Variants in PPP2R2C observed in about 807,000 individuals in gnomAD.
PPP2R2C encodes protein phosphatase 2 regulatory subunit Bgamma.
A neutral mutation model predicts 45.3 loss-of-function variants in PPP2R2C; 10 were observed. That is an observed-to-expected ratio of 0.22 (90% CI 0.14 to 0.37). PPP2R2C has a LOEUF of 0.37. Ranked by LOEUF, PPP2R2C falls within the 10% of genes least tolerant of loss-of-function variation. The pLI is 1.00. For missense variants in PPP2R2C, 308 were observed against 619.7 expected (o/e 0.50, Z 5.34); for synonymous variants, 257 against 245.4 (o/e 1.05, Z -0.44).
chr4:6,538,943 T>C (rs967397237), intron 1 of PPP2R2C, among the ~76,000 whole-genome samples: 10 of 152,190 alleles, frequency 6.6e-5, no homozygotes, highest in African/African-American at 2.4e-4. Flanking sequence ...GAGTGATTTA[T>C]TATACAGCTC....
chr4:6,525,050 C>T (rs953234898), intron 2 of PPP2R2C, among the ~76,000 whole-genome samples: 1 of 152,068 alleles, frequency 6.6e-6, no homozygotes, highest in Non-Finnish European at 1.5e-5. Flanking sequence ...GGTGCCACTG[C>T]ACTCCAACCT....
In PPP2R2C at chr4:6,364,315, G is replaced by C. The variant is rs1189769315; in HGVS notation, c.625+8208C>G. Among the ~76,000 whole-genome samples, 4 of 152,236 alleles carry C rather than the reference G, an allele frequency of 2.6e-5. No homozygotes were observed. The highest frequency in any genetic ancestry group is 9.6e-5 in the African/African-American group (4 of 41,460). The stretch of plus-strand genomic sequence containing the variant: ...CTGGAAATATGGTGAAGAGCAGGGG[G>C]CCGGGAACGCTGAGCCCAGGGAGCA... On this transcript the variant is annotated intron_variant, in intron 5 of 8. Coordinates refer to ENST00000382599, the MANE Select transcript of PPP2R2C (RefSeq NM_020416.4). This position sits in a 1 kb window ranked among gnomAD's most constrained non-coding sequence, Gnocchi z 5.3.
intron 1 of PPP2R2C, among the ~76,000 whole-genome samples, chr4:6,554,047 T>C (rs1725276703): frequency 6.6e-6 from 1 of 152,128 alleles, no homozygotes. Context: ...TTCAAGGGGT[T>C]ATCAGGGGGT....
chr4:6,471,862 G>A lies in PPP2R2C; in HGVS notation c.70+298C>T, dbSNP rs1560572862. On this transcript the variant is annotated intron_variant, in intron 1 of 8. Transcript: ENST00000382599. This position sits in a 1 kb window ranked among gnomAD's most constrained non-coding sequence, Gnocchi z 5.6. ...CTTTTAAAAAATTATGGTCAGGGCC[G>A]AATCAGGATGCCACCTGGCTTGGGA... is the stretch of plus-strand genomic sequence containing the variant. 6.6e-6 allele frequency among the ~76,000 whole-genome samples: 1 copy of A among 151,916 alleles called. No homozygotes were observed. The highest frequency in any genetic ancestry group is 1.5e-5 in the Non-Finnish European group (1 of 67,962).
intron 1 of PPP2R2C, among the ~76,000 whole-genome samples, chr4:6,451,430 G>C (rs778976632): frequency 1.3e-5 from 2 of 152,094 alleles, no homozygotes; most frequent in Non-Finnish European, 2.9e-5. Context: ...AAATTCCATC[G>C]AAAACATATT....
chr4:6,539,426 T>C (rs1724735820), intron 1 of PPP2R2C, among the ~76,000 whole-genome samples: 1 of 152,248 alleles, frequency 6.6e-6, no homozygotes, highest in Admixed American at 6.5e-5. Context: ...CTGTGGACTT[T>C]GCTCTGGCGG....
chr4:6,457,580 C>G (rs112212772), intron 1 of PPP2R2C, among the ~76,000 whole-genome samples: 13,929 of 152,052 alleles, frequency 0.092, 850 homozygotes, highest in Non-Finnish European at 0.14. Flanking sequence ...CACTATATTG[C>G]CCAGGCTGGT....
At chr4:6,410,785 T>G (rs945912517) in intron 1 of PPP2R2C, among the ~76,000 whole-genome samples, 1 of 152,102 alleles carries the variant, frequency 6.6e-6, no homozygotes, top group Admixed American at 6.5e-5. Context: ...TCATGAACAT[T>G]GATCTCACTA....
At chr4:6,492,750 A>T (rs1722736068) in intron 2 of PPP2R2C, among the ~76,000 whole-genome samples, 1 of 152,160 alleles carries the variant, frequency 6.6e-6, no homozygotes, top group South Asian at 2.1e-4. Context: ...GCAAACTAAG[A>T]GACACCACAG....
intron 1 of PPP2R2C, among the ~76,000 whole-genome samples, chr4:6,449,748 C>G (rs781250478): frequency 6.6e-6 from 1 of 152,236 alleles, no homozygotes; most frequent in African/African-American, 2.4e-5. Flanking sequence ...GGTTCCATCC[C>G]GCACAAGGGC....
chr4:6,493,468 C>G (rs1722775361), intron 2 of PPP2R2C, among the ~76,000 whole-genome samples: 1 of 151,642 alleles, frequency 6.6e-6, no homozygotes, highest in Admixed American at 6.6e-5. Context: ...AGGCATGGTG[C>G]TGGGGAGAGG....
intron 1 of PPP2R2C, among the ~76,000 whole-genome samples, chr4:6,427,356 CAA>C: frequency 6.6e-6 from 1 of 152,232 alleles, no homozygotes; most frequent in Non-Finnish European, 1.5e-5. Context: ...ACTAACTCAA[CAA>C]CGACCTCCTT....
At chr4:6,478,844 C>T (rs1050578532) in intron 2 of PPP2R2C, among the ~76,000 whole-genome samples, 11 of 152,232 alleles carry the variant, frequency 7.2e-5, no homozygotes, top group Non-Finnish European at 1.6e-4. Flanking sequence ...ATCTTCTTCC[C>T]GGGACCCCGG....
chr4:6,420,855 G>T, intron 1 of PPP2R2C: 1 of 836,216 alleles, frequency 1.2e-6, no homozygotes, highest in Non-Finnish European at 1.4e-6. Flanking sequence ...CCAGGTCTGT[G>T]CTGGCACACA....
intron 1 of PPP2R2C, chr4:6,535,472 A>G: frequency 1.1e-6 from 1 of 873,998 alleles, no homozygotes; most frequent in Non-Finnish European, 1.7e-6. Context: ...ACCGCCACCC[A>G]CGGCCGCCCT....
At chr4:6,495,984 G>A (rs572215469) in intron 2 of PPP2R2C, among the ~76,000 whole-genome samples, 25 of 152,212 alleles carry the variant, frequency 1.6e-4, no homozygotes, top group South Asian at 4.2e-4. Flanking sequence ...TCTCCATGGC[G>A]GCACTCCTTG....
At chr4:6,442,724 G>C (rs530238699) in intron 1 of PPP2R2C, among the ~76,000 whole-genome samples, 1 of 152,314 alleles carries the variant, frequency 6.6e-6, no homozygotes, top group South Asian at 2.1e-4. Flanking sequence ...CCATTTCATA[G>C]ATGAAGGAAC....
rs1732393397 is a variant in PPP2R2C, at chr4:6,331,235, C to T, written c.961-1882G>A. 6.6e-6 allele frequency among the ~76,000 whole-genome samples: 1 copy of T among 152,172 alleles called. No individual in the cohort carries two copies. The highest frequency in any genetic ancestry group is 2.4e-5 in the African/African-American group (1 of 41,432). On this transcript the variant is annotated intron_variant, in intron 7 of 8. Coordinates refer to ENST00000382599, the MANE Select transcript of PPP2R2C (RefSeq NM_020416.4). The surrounding 1 kb of genome is among the most constrained non-coding windows in gnomAD (Gnocchi z 5.9). Reference sequence around the variant, plus strand: ...CTAAGCATCTCCTGCCCTCTAGTGGCAGGGTGAGGAAGAGCTCTGGAGAAA... The same window carrying T: ...CTAAGCATCTCCTGCCCTCTAGTGGTAGGGTGAGGAAGAGCTCTGGAGAAA...
At chr4:6,392,841 A>G (rs1716751835) in intron 1 of PPP2R2C, among the ~76,000 whole-genome samples, 1 of 152,188 alleles carries the variant, frequency 6.6e-6, no homozygotes, top group Non-Finnish European at 1.5e-5. Flanking sequence ...TGCCCAGCCC[A>G]TGCCTCACAC....
Sources: gnomAD v4.1 joint callset for allele counts (sites outside exome capture counted in the v4.1 genomes callset) on GRCh38, gnomAD v4.1.1 for gene constraint, Gnocchi (gnomAD v3.1) non-coding constraint, MANE v1.5 for transcripts, NCBI Gene and HGNC (gene_info 2026-07-23, HGNC 2026-07-21) for gene names.